The following KCNH7 variants were observed in gnomAD, a reference collection of about 807,000 sequenced individuals.
KCNH7 encodes the protein voltage-gated inwardly rectifying potassium channel KCNH7.
In KCNH7, 49 loss-of-function variants were observed where a neutral mutation model predicts 120.8. The ratio of observed to expected loss-of-function variants is 0.41; its 90% CI spans 0.32 to 0.51. The LOEUF is 0.51. Ranked by LOEUF, KCNH7 falls within the 20% of genes least tolerant of loss-of-function variation. The pLI is 0.38. For missense variants in KCNH7, 1,097 were observed against 1,446.6 expected (o/e 0.76, Z 3.92); for synonymous variants, 547 against 516.1 (o/e 1.06, Z -0.81).
chr2:162,595,324 C>A (rs914497500), intron 2 of KCNH7, among the ~76,000 whole-genome samples: 12 of 151,796 alleles, frequency 7.9e-5, no homozygotes, highest in South Asian at 2.1e-4. Context: ...GGTAAACTGC[C>A]CCCATAATAC....
chr2:162,414,637 G>T (rs1687487461), intron 9 of KCNH7, among the ~76,000 whole-genome samples: 1 of 151,798 alleles, frequency 6.6e-6, no homozygotes, highest in Non-Finnish European at 1.5e-5. Flanking sequence ...ATATATGTCT[G>T]TATACATGCA....
intron 14 of KCNH7, among the ~76,000 whole-genome samples, 193 bp downstream of exon 14, chr2:162,379,660 A>T (rs1686340177): frequency 6.6e-6 from 1 of 152,198 alleles, no homozygotes; most frequent in African/African-American, 2.4e-5. Context: ...TGCTGCCAGA[A>T]GTATGAAGTG....
At chr2:162,675,277 T>C (rs1480139053) in intron 2 of KCNH7, among the ~76,000 whole-genome samples, 1 of 151,534 alleles carries the variant, frequency 6.6e-6, no homozygotes, top group Non-Finnish European at 1.5e-5. Flanking sequence ...TGTTAGCATT[T>C]TATATTCATT....
At position 162,555,761 on chromosome 2, in the gene KCNH7, C is replaced by T. The variant is rs76986331; in HGVS notation, c.308-18681G>A. ...TATTTGTTATTTGTATGTAGATTAG[C>T]AGCCTTTTAGTGTCTATAAAGATTT... On this transcript the variant is annotated intron_variant, in intron 2 of 15. Coordinates refer to ENST00000332142, the MANE Select transcript of KCNH7 (RefSeq NM_033272.4). Among the ~76,000 whole-genome samples, 64 of 152,038 alleles carry T rather than the reference C, an allele frequency of 4.2e-4. No individual in the cohort carries two copies. In the East Asian group the frequency reaches 0.011, roughly 25 times the overall value.
At chr2:162,469,778 C>A (rs938530445) in intron 6 of KCNH7, among the ~76,000 whole-genome samples, 1 of 152,014 alleles carries the variant, frequency 6.6e-6, no homozygotes, top group Non-Finnish European at 1.5e-5. Context: ...ACTGTGCTGC[C>A]GCCATCTCGG....
intron 2 of KCNH7, among the ~76,000 whole-genome samples, chr2:162,628,176 C>A (rs1236733751): frequency 6.6e-6 from 1 of 152,076 alleles, no homozygotes; most frequent in Non-Finnish European, 1.5e-5. Flanking sequence ...TAGCATGGTA[C>A]TGGAGAAAGA....
In KCNH7 at chr2:162,647,378, T is replaced by C. The variant is rs532146544; in HGVS notation, c.308-110298A>G. Among the ~76,000 whole-genome samples, 3 of 152,304 alleles carry C rather than the reference T, an allele frequency of 2.0e-5. No individual in the cohort carries two copies. In the South Asian group the frequency reaches 6.2e-4, roughly 32 times the overall value. On this transcript the variant is annotated intron_variant, in intron 2 of 15. Coordinates refer to ENST00000332142, the MANE Select transcript of KCNH7 (RefSeq NM_033272.4). ...CCTATTACATATGAGGCTTTCACAGTATGTAGGATTAATTGTTTAAAAACT... is the reference window on the plus strand; with the variant it reads ...CCTATTACATATGAGGCTTTCACAGCATGTAGGATTAATTGTTTAAAAACT...
intron 2 of KCNH7, among the ~76,000 whole-genome samples, chr2:162,800,762 T>C (rs1359076551): frequency 3.3e-5 from 5 of 151,938 alleles, no homozygotes; most frequent in Admixed American, 6.6e-5. Flanking sequence ...ATGTCGACCA[T>C]GAATGGCAAA....
At chr2:162,490,761 G>A (rs1690274304) in intron 6 of KCNH7, among the ~76,000 whole-genome samples, 4 of 152,106 alleles carry the variant, frequency 2.6e-5, no homozygotes, top group Admixed American at 2.0e-4. Flanking sequence ...CTTTTCTATG[G>A]CATTTTCTTT....
intron 2 of KCNH7, among the ~76,000 whole-genome samples, chr2:162,547,005 A>AGGG (rs1313387814): frequency 6.6e-6 from 1 of 152,120 alleles, no homozygotes; most frequent in African/African-American, 2.4e-5. Context: ...TGGGTAATTC[A>AGGG]TAAACAAAGG....
In KCNH7 at chr2:162,504,485, C is replaced by T. The variant is rs754732893; in HGVS notation, c.1086G>A (p.Lys362=). Residue 362 remains lysine (K), a synonymous_variant, in exon 6 of 16, where the codon AAG becomes AAA. Coordinates refer to ENST00000332142, the MANE Select transcript of KCNH7 (RefSeq NM_033272.4). ...PSSDKTIIAP[K]VKDRTHNVTE... ...TCACATTGTGTGTTCGATCTTTAAC[C>T]TTGGGTGCAATAATGGTTTTATCTG... 8 of 1,612,874 alleles carry T rather than the reference C, an allele frequency of 5.0e-6. No individual in the cohort carries two copies. The highest frequency in any genetic ancestry group is 5.9e-6 in the Non-Finnish European group (7 of 1,179,340).
chr2:162,436,052 TGAG>T (rs901787718), intron 7 of KCNH7, among the ~76,000 whole-genome samples: 4 of 151,986 alleles, frequency 2.6e-5, no homozygotes, highest in Admixed American at 6.6e-5. Context: ...CCTAGTCTAC[TGAG>T]GAGAGAGAGA....
chr2:162,474,929 G>A (rs765275154), intron 6 of KCNH7, among the ~76,000 whole-genome samples: 22 of 152,320 alleles, frequency 1.4e-4, no homozygotes, highest in Non-Finnish European at 2.8e-4. Context: ...GAGGAAATCA[G>A]CCTTGCTGGA....
intron 2 of KCNH7, among the ~76,000 whole-genome samples, chr2:162,537,618 G>A (rs539587383): frequency 1.3e-5 from 2 of 152,002 alleles, no homozygotes; most frequent in South Asian, 2.1e-4. Flanking sequence ...AATTCACAAC[G>A]TCCAAATTAC....
intron 2 of KCNH7, among the ~76,000 whole-genome samples, chr2:162,664,766 A>T (rs1314525812): frequency 6.6e-6 from 1 of 152,274 alleles, no homozygotes; most frequent in East Asian, 1.9e-4. Context: ...TATACAGTAG[A>T]TATACATACT....
chr2:162,780,209 CA>C (rs1275072745), intron 2 of KCNH7, among the ~76,000 whole-genome samples: 3 of 152,100 alleles, frequency 2.0e-5, no homozygotes, highest in African/African-American at 7.2e-5. Context: ...TTTTCCTCCA[CA>C]AAAAAACTGT....
chr2:162,624,989 C>T lies in KCNH7; in HGVS notation c.308-87909G>A, dbSNP rs117190566. On this transcript the variant is annotated intron_variant, in intron 2 of 15. Coordinates refer to ENST00000332142, the MANE Select transcript of KCNH7 (RefSeq NM_033272.4). ...CTAGGCTCACCTCCACCTCCACCTC[C>T]GAGGTTCAAGGAATTCTCCTGCCTC... Among the ~76,000 whole-genome samples, 282 of 150,726 alleles carry T rather than the reference C, an allele frequency of 1.9e-3. 1 individual carries two copies. The East Asian group carries it at 0.027, about 15-fold the overall frequency.
intron 2 of KCNH7, among the ~76,000 whole-genome samples, chr2:162,817,932 T>C (rs62171418): frequency 0.055 from 8,314 of 152,188 alleles, 302 homozygotes; most frequent in South Asian, 0.11. Flanking sequence ...CAGAGAGATA[T>C]GGACATATTT....
At chr2:162,426,257 T>C (rs1182718014) in intron 8 of KCNH7, among the ~76,000 whole-genome samples, 1 of 151,794 alleles carries the variant, frequency 6.6e-6, no homozygotes, top group Non-Finnish European at 1.5e-5. Flanking sequence ...TACTTATTTT[T>C]AGGAAATTCT....
Sources: allele counts gnomAD v4.1 joint callset (sites outside exome capture counted in the v4.1 genomes callset), GRCh38; gene constraint gnomAD v4.1.1; transcripts MANE v1.5; gene names NCBI Gene and HGNC (gene_info 2026-07-23, HGNC 2026-07-21).